HS2ST1: variants seen among roughly 807,000 people sequenced by gnomAD.
The protein encoded by HS2ST1 is heparan sulfate 2-O-sulfotransferase 1.
Under a neutral mutation model 42.9 loss-of-function variants are expected in HS2ST1, and 18 were observed. The ratio of observed to expected loss-of-function variants is 0.42; its 90% CI spans 0.29 to 0.62. The LOEUF is 0.62. Ranked by LOEUF, HS2ST1 falls within the 20% of genes least tolerant of loss-of-function variation. The probability of loss-of-function intolerance (pLI) is 0.21; values close to 1 mark genes in which losing one functional copy is unlikely to be tolerated. For synonymous variants in HS2ST1, 146 were observed against 152.9 expected (o/e 0.95, Z 0.33); for missense variants, 334 against 433.8 (o/e 0.77, Z 2.04).
At chr1:86,993,066 C>T (rs773759935) in intron 1 of HS2ST1, 4 of 1,589,530 alleles carry the variant, frequency 2.5e-6, no homozygotes, top group Non-Finnish European at 8.6e-7. Flanking sequence ...GGAAGGTCAC[C>T]AAGTCTTTCC....
chr1:87,079,990 G>A (rs552912157), intron 2 of HS2ST1, among the ~76,000 whole-genome samples: 4 of 152,238 alleles, frequency 2.6e-5, no homozygotes, highest in African/African-American at 9.6e-5. Context: ...AGAGGTTACA[G>A]TGAGTTATGA....
At chr1:87,001,673 GCACGATCTTGGCTCAC>G (rs1468436345) in intron 1 of HS2ST1, among the ~76,000 whole-genome samples, 1 of 152,200 alleles carries the variant, frequency 6.6e-6, no homozygotes, top group African/African-American at 2.4e-5. Context: ...GAGTGCAATG[GCACGATCTTGGCTCAC>G]CACAATCTCC....
At chr1:87,032,012 C>T (rs1019211435) in intron 1 of HS2ST1, among the ~76,000 whole-genome samples, 1 of 152,100 alleles carries the variant, frequency 6.6e-6, no homozygotes, top group Non-Finnish European at 1.5e-5. Flanking sequence ...AATTGAATTA[C>T]ACATGGCTAA....
intron 1 of HS2ST1, among the ~76,000 whole-genome samples, chr1:86,955,256 G>A (rs1419898382): frequency 6.6e-6 from 1 of 152,174 alleles, no homozygotes; most frequent in Non-Finnish European, 1.5e-5. Context: ...ATTGAGTCAT[G>A]TAGTGTAGGA....
At chr1:87,022,604 T>C (rs1359725698) in intron 1 of HS2ST1, among the ~76,000 whole-genome samples, 1 of 152,106 alleles carries the variant, frequency 6.6e-6, no homozygotes, top group Non-Finnish European at 1.5e-5. Context: ...ACCTGAACTT[T>C]GCTTGTGGAA....
intron 1 of HS2ST1, among the ~76,000 whole-genome samples, chr1:86,929,955 G>T (rs1438398695): frequency 1.3e-5 from 2 of 151,766 alleles, no homozygotes; most frequent in Non-Finnish European, 3.0e-5. Flanking sequence ...GATGACTTTA[G>T]AAAAGACAAA....
At chr1:87,076,753 G>A (rs949105990) in intron 2 of HS2ST1, among the ~76,000 whole-genome samples, 2 of 149,100 alleles carry the variant, frequency 1.3e-5, no homozygotes, top group African/African-American at 5.0e-5. Context: ...CCATATATGT[G>A]ATTAGCCACA....
intron 3 of HS2ST1, among the ~76,000 whole-genome samples, chr1:87,088,831 C>T (rs1408459878): frequency 1.6e-4 from 24 of 151,998 alleles, no homozygotes; most frequent in Admixed American, 1.6e-3. Flanking sequence ...ACACTATCAT[C>T]AGTGAGACCA....
chr1:87,097,814 C>T (rs369678327), intron 4 of HS2ST1, 24 bp from the exon 5 acceptor site: 11 of 1,612,912 alleles, frequency 6.8e-6, no homozygotes, highest in East Asian at 2.2e-5. Context: ...ATGGCTTACC[C>T]GTGCTGCTTT....
At chr1:87,059,044 G>A (rs1163614397) in intron 1 of HS2ST1, among the ~76,000 whole-genome samples, 1 of 152,158 alleles carries the variant, frequency 6.6e-6, no homozygotes, top group African/African-American at 2.4e-5. Flanking sequence ...GGGCAACAGA[G>A]TGAGACTCCG....
chr1:87,083,708 GA>G (rs1278928720), intron 2 of HS2ST1, among the ~76,000 whole-genome samples: 3 of 151,918 alleles, frequency 2.0e-5, no homozygotes, highest in Admixed American at 2.0e-4. Flanking sequence ...AATATCTTCT[GA>G]TAACCATCAC....
chr1:87,097,682 G>A (rs757755345), intron 4 of HS2ST1, among the ~76,000 whole-genome samples, 156 bp from the exon 5 acceptor site: 1 of 152,102 alleles, frequency 6.6e-6, no homozygotes, highest in African/African-American at 2.4e-5. Flanking sequence ...GTGAGCCACC[G>A]TGCCCAACTG....
chr1:87,068,132 A>G (rs1350454771), intron 1 of HS2ST1, among the ~76,000 whole-genome samples: 4 of 152,128 alleles, frequency 2.6e-5, no homozygotes, highest in Non-Finnish European at 5.9e-5. Flanking sequence ...TGGGGATAGC[A>G]TTGAATCTAT....
chr1:86,983,265 G>A (rs1034053014), intron 1 of HS2ST1, among the ~76,000 whole-genome samples: 1 of 152,182 alleles, frequency 6.6e-6, no homozygotes, highest in African/African-American at 2.4e-5. Flanking sequence ...TTACACTGCT[G>A]TAAAGAATAC....
intron 3 of HS2ST1, among the ~76,000 whole-genome samples, chr1:87,084,632 C>CTTTT (rs1570537899): frequency 1.3e-5 from 2 of 152,148 alleles, no homozygotes; most frequent in East Asian, 3.9e-4. Flanking sequence ...AAAGCTCTCA[C>CTTTT]TAAGTTATTG....
At chr1:86,995,091 T>A (rs921433987) in intron 1 of HS2ST1, among the ~76,000 whole-genome samples, 1 of 152,194 alleles carries the variant, frequency 6.6e-6, no homozygotes, top group Non-Finnish European at 1.5e-5. Context: ...TCTACTGTTT[T>A]GTCATTGCTC....
At chr1:86,928,648 A>C (rs956523624) in intron 1 of HS2ST1, among the ~76,000 whole-genome samples, 1 of 152,000 alleles carries the variant, frequency 6.6e-6, no homozygotes, top group Non-Finnish European at 1.5e-5. Flanking sequence ...AGACTGGCTT[A>C]ACATGATTTT....
chr1:87,071,564 A>C (rs1364656313), intron 1 of HS2ST1, among the ~76,000 whole-genome samples: 1 of 152,018 alleles, frequency 6.6e-6, no homozygotes, highest in African/African-American at 2.4e-5. Context: ...CCGTGTCTCT[A>C]CTAAAAATAC....
rs751381831 is a variant in HS2ST1 at position 87,104,543 on chromosome 1, A to T, written c.918A>T (p.Gln306His). The change falls in exon 7 of 7, where the codon CAA becomes CAT. Residue 306 changes from glutamine to histidine, a missense_variant. Transcript: ENST00000370550. ...PTKQTIAKLQ[Q>H]SDIWKMENEF... is the part of the protein sequence containing the mutation. ...AACAAACCATTGCAAAACTACAGCA[A>T]TCTGATATTTGGAAAATGGAGAATG... 6.2e-7 allele frequency: 1 copy of T among 1,613,530 alleles called. No homozygotes were observed. The highest frequency in any genetic ancestry group is 1.7e-5 in the Admixed American group (1 of 59,992).
Sources: allele counts gnomAD v4.1 joint callset (sites outside exome capture counted in the v4.1 genomes callset), GRCh38; gene constraint gnomAD v4.1.1; transcripts MANE v1.5; gene names NCBI Gene and HGNC (gene_info 2026-07-23, HGNC 2026-07-21).